Variants in SPSB1 observed in about 807,000 individuals in gnomAD.
The protein encoded by SPSB1 is SPRY domain-containing SOCS box protein 1.
SPSB1 carries 8 observed loss-of-function variants against 21.2 expected under a neutral mutation model. The observed-to-expected ratio is 0.38, with a 90% CI of 0.22 to 0.68. The LOEUF is 0.68. Among genes scored for constraint, SPSB1 ranks in the 30% least tolerant of loss-of-function variants. SPSB1 has a pLI of 0.53. For missense variants in SPSB1, 242 were observed against 377.8 expected (o/e 0.64, Z 2.98); for synonymous variants, 169 against 161.7 (o/e 1.05, Z -0.34).
chr1:9,356,187 T>C lies in SPSB1; in HGVS notation c.296T>C (p.Val99Ala). 1 of 1,588,026 alleles carries C rather than the reference T, an allele frequency of 6.3e-7. No homozygotes were observed. Among genetic ancestry groups the C allele is most frequent in the Non-Finnish European group, 8.6e-7 (1 of 1,164,966 alleles). Residue 99 changes from valine to alanine, a missense_variant, in exon 2 of 3, where the codon GTG becomes GCG. Coordinates refer to ENST00000328089, the MANE Select transcript of SPSB1 (RefSeq NM_025106.4). This position sits in a 1 kb window ranked among gnomAD's most constrained non-coding sequence, Gnocchi z 7.4. ...GKVGYTRGLH[V>A]WQITWAMRQR... is the part of the protein sequence containing the mutation. ...GTCGGGTATACCCGTGGGCTGCACG[T>C]GTGGCAGATCACGTGGGCCATGAGA...
chr1:9,352,957 A>AG (rs35779143), intron 1 of SPSB1, among the ~76,000 whole-genome samples: 26,897 of 151,704 alleles, frequency 0.18, 2,998 homozygotes, highest in Non-Finnish European at 0.26. Context: ...GTTGAGCGGC[A>AG]GGGGGGCTGT....
chr1:9,304,148 C>G (rs1639377035), intron 1 of SPSB1, among the ~76,000 whole-genome samples: 1 of 152,184 alleles, frequency 6.6e-6, no homozygotes, highest in South Asian at 2.1e-4. Flanking sequence ...TCCTCCTTCT[C>G]CTGCACTCGG....
chr1:9,359,742 T>C (rs1640434917), intron 2 of SPSB1, among the ~76,000 whole-genome samples: 1 of 145,726 alleles, frequency 6.9e-6, no homozygotes. Context: ...GGCTGCTCTA[T>C]AGAAATGGAT....
chr1:9,304,609 A>G (rs1338642620), intron 1 of SPSB1, among the ~76,000 whole-genome samples: 1 of 151,952 alleles, frequency 6.6e-6, no homozygotes, highest in East Asian at 1.9e-4. Context: ...GGGTGTAGAG[A>G]AGGGTGAAGA....
At chr1:9,298,386 G>A (rs56691960) in intron 1 of SPSB1, among the ~76,000 whole-genome samples, 4 of 61,468 alleles carry the variant, frequency 6.5e-5, no homozygotes, top group South Asian at 5.9e-4. Context: ...GAATGAATGA[G>A]TGAATGAATG....
intron 2 of SPSB1, among the ~76,000 whole-genome samples, chr1:9,360,482 C>G (rs4908854): frequency 0.7 from 106,452 of 152,014 alleles, 38,094 homozygotes; most frequent in East Asian, 0.94. Context: ...CAGCTGAAAA[C>G]AGCAGAAGCG....
chr1:9,365,821 G>C (rs944796013), intron 2 of SPSB1, among the ~76,000 whole-genome samples: 17 of 152,204 alleles, frequency 1.1e-4, no homozygotes, highest in Admixed American at 1.1e-3. Flanking sequence ...AAGTCAAGGG[G>C]AGACCGTGGA....
intron 1 of SPSB1, among the ~76,000 whole-genome samples, chr1:9,323,407 C>G (rs1161634186): frequency 6.6e-6 from 1 of 152,192 alleles, no homozygotes; most frequent in Non-Finnish European, 1.5e-5. Context: ...TGGAGCCTCC[C>G]TCGCGGCCCG....
chr1:9,331,524 G>A (rs60111082), intron 1 of SPSB1, among the ~76,000 whole-genome samples: 1 of 151,828 alleles, frequency 6.6e-6, no homozygotes, highest in Non-Finnish European at 1.5e-5. Context: ...TAGAAACGGG[G>A]TTTCATCATG....
chr1:9,307,298 A>G (rs1331185215), intron 1 of SPSB1, among the ~76,000 whole-genome samples: 1 of 152,152 alleles, frequency 6.6e-6, no homozygotes, highest in African/African-American at 2.4e-5. Flanking sequence ...GATCAGTGGC[A>G]TTTGGTATAT....
intron 1 of SPSB1, among the ~76,000 whole-genome samples, chr1:9,355,442 G>C (rs1009260613): frequency 6.6e-6 from 1 of 152,252 alleles, no homozygotes; most frequent in African/African-American, 2.4e-5. Context: ...CCCTGATGAG[G>C]TATTTGGTGG....
intron 2 of SPSB1, among the ~76,000 whole-genome samples, chr1:9,366,447 G>T (rs1640573063): frequency 6.6e-6 from 1 of 152,226 alleles, no homozygotes; most frequent in African/African-American, 2.4e-5. Context: ...GACAGGGTTT[G>T]CCATGTCTTC....
At chr1:9,323,839 A>T (rs532582557) in intron 1 of SPSB1, among the ~76,000 whole-genome samples, 25 of 152,282 alleles carry the variant, frequency 1.6e-4, no homozygotes, top group African/African-American at 5.3e-4. Context: ...CACGGACGGC[A>T]GGGGCTGTGC....
chr1:9,366,919 C>G (rs1466394741), intron 2 of SPSB1, among the ~76,000 whole-genome samples: 1 of 152,222 alleles, frequency 6.6e-6, no homozygotes, highest in African/African-American at 2.4e-5. Context: ...CTGAGAGCAG[C>G]TGGTAACAGA....
intron 1 of SPSB1, among the ~76,000 whole-genome samples, chr1:9,297,918 G>C (rs951570657): frequency 1.3e-5 from 2 of 152,126 alleles, no homozygotes; most frequent in African/African-American, 4.8e-5. Flanking sequence ...TTTGTGAGGG[G>C]GCCCCAGCAT....
intron 1 of SPSB1, among the ~76,000 whole-genome samples, chr1:9,340,924 G>A (rs898566260): frequency 3.3e-5 from 5 of 152,196 alleles, no homozygotes; most frequent in African/African-American, 9.7e-5. Context: ...GTGGGAAGGG[G>A]AGAAGACTGG....
At chr1:9,304,106 G>A (rs1639376227) in intron 1 of SPSB1, among the ~76,000 whole-genome samples, 2 of 152,216 alleles carry the variant, frequency 1.3e-5, no homozygotes, top group African/African-American at 4.8e-5. Context: ...GAAGAAGGGC[G>A]AATCCTGGCT....
chr1:9,330,912 C>T (rs1025867834), intron 1 of SPSB1, among the ~76,000 whole-genome samples: 46 of 151,452 alleles, frequency 3.0e-4, no homozygotes, highest in African/African-American at 1.0e-3. Flanking sequence ...CACATCCTTG[C>T]CAACACTTGT....
rs962182489 is a variant in SPSB1 at position 9,363,703 on chromosome 1, ATT to A, written c.695-3733_695-3732del. On this transcript the variant is annotated intron_variant, in intron 2 of 2. Coordinates refer to ENST00000328089, the MANE Select transcript of SPSB1 (RefSeq NM_025106.4). The surrounding 1 kb of genome is among the most constrained non-coding windows in gnomAD (Gnocchi z 4.5). The stretch of plus-strand genomic sequence containing the variant: ...ATGTGGGCCTCTGCAGTTTTAGAAA[ATT>A]TTTTTTTTTTTGGAGATGGAGTCTC... Among the ~76,000 whole-genome samples, 1 of 146,324 alleles carries A rather than the reference ATT, an allele frequency of 6.8e-6. No homozygotes were observed.
Sources: allele counts gnomAD v4.1 joint callset (sites outside exome capture counted in the v4.1 genomes callset), GRCh38; gene constraint gnomAD v4.1.1; non-coding constraint Gnocchi (gnomAD v3.1); transcripts MANE v1.5; gene names NCBI Gene and HGNC (gene_info 2026-07-23, HGNC 2026-07-21).